STUM: variants seen among roughly 807,000 people sequenced by gnomAD.
The protein encoded by STUM is stum, mechanosensory transduction mediator homolog.
A neutral mutation model predicts 15.3 loss-of-function variants in STUM; 8 were observed. The ratio of observed to expected loss-of-function variants is 0.52; its 90% CI spans 0.31 to 0.94. The LOEUF (loss-of-function observed/expected upper bound fraction) is 0.94. Ranked by LOEUF, STUM falls within the 40% of genes least tolerant of loss-of-function variation. The pLI, the probability that STUM is intolerant of heterozygous loss-of-function variation, is 0.05. For synonymous variants in STUM, 78 were observed against 88.7 expected (o/e 0.88, Z 0.68); for missense variants, 142 against 204.9 (o/e 0.69, Z 1.87).
intron 1 of STUM, among the ~76,000 whole-genome samples, chr1:226,553,053 C>G (rs1010600072): frequency 2.0e-5 from 3 of 152,156 alleles, no homozygotes; most frequent in African/African-American, 7.2e-5. Context: ...AAGTTTACAG[C>G]CTACTAAACC....
chr1:226,552,934 A>G lies in STUM; in HGVS notation c.202+3828A>G, dbSNP rs1667393445. On this transcript the variant is annotated intron_variant, in intron 1 of 3. Coordinates refer to ENST00000366788, the MANE Select transcript of STUM (RefSeq NM_001003665.4). The surrounding 1 kb of genome is among the most constrained non-coding windows in gnomAD (Gnocchi z 4.7). ...TCTTGAAAGAGCATGTTATCCACAA[A>G]TACATATAGACTAGAATTATACTCC... 6.6e-6 allele frequency among the ~76,000 whole-genome samples: 1 copy of G among 152,208 alleles called. No homozygotes were observed. The highest frequency in any genetic ancestry group is 1.5e-5 in the Non-Finnish European group (1 of 68,040).
In STUM at chr1:226,549,399, G is replaced by C. The variant is rs1667333302; in HGVS notation, c.202+293G>C. Among the ~76,000 whole-genome samples, 1 of 152,214 alleles carries C rather than the reference G, an allele frequency of 6.6e-6. No homozygotes were observed. Among genetic ancestry groups the C allele is most frequent in the Admixed American group, 6.5e-5 (1 of 15,292 alleles). ...AGCGGCGGCCGGAATGGCTCTGCCG[G>C]CTTCGGAGTAGGGCTCCCGTCCCGG... On this transcript the variant is annotated intron_variant, in intron 1 of 3. Transcript: ENST00000366788. The surrounding 1 kb of genome is among the most constrained non-coding windows in gnomAD (Gnocchi z 6.8).
At chr1:226,585,766 A>AT (rs775595298) in intron 1 of STUM, among the ~76,000 whole-genome samples, 11 of 152,350 alleles carry the variant, frequency 7.2e-5, no homozygotes, top group Middle Eastern at 3.4e-3. Flanking sequence ...GTGCCAGCTG[A>AT]ATACATGGAA....
At position 226,600,386 on chromosome 1, in the gene STUM, G is replaced by A. The variant is rs926131431; in HGVS notation, c.383-280G>A. Among the ~76,000 whole-genome samples the A allele has an allele frequency of 3.3e-5, 5 of 152,190 alleles. No homozygotes were observed. Among genetic ancestry groups the A allele is most frequent in the African/African-American group, 4.8e-5 (2 of 41,442 alleles). Reference sequence around the variant, plus strand: ...GGGAGGCAGTGGACCAAGCTCCCTGGCAGTGTGAGAGCCCCTCGCTGTGCC... The same window carrying A: ...GGGAGGCAGTGGACCAAGCTCCCTGACAGTGTGAGAGCCCCTCGCTGTGCC... On this transcript the variant is annotated intron_variant, in intron 2 of 3. Coordinates refer to ENST00000366788, the MANE Select transcript of STUM (RefSeq NM_001003665.4). The surrounding 1 kb of genome is among the most constrained non-coding windows in gnomAD (Gnocchi z 5.2).
rs1667855413 is a variant in STUM at position 226,578,333 on chromosome 1, C to T, written c.203-18469C>T. On this transcript the variant is annotated intron_variant, in intron 1 of 3. Coordinates refer to ENST00000366788, the MANE Select transcript of STUM (RefSeq NM_001003665.4). The stretch of plus-strand genomic sequence containing the variant: ...TCAAGTGATCATCCTGCATTTAGTC[C>T]CCCACACCACCGCCCCAACCCCCAG... Among the ~76,000 whole-genome samples the T allele has an allele frequency of 6.7e-5, 10 of 150,026 alleles. 1 individual carries two copies. The South Asian group carries it at 2.1e-3, about 32-fold the overall frequency.
At chr1:226,582,160 TGCCGGC>T (rs1667928447) in intron 1 of STUM, among the ~76,000 whole-genome samples, 2 of 152,240 alleles carry the variant, frequency 1.3e-5, no homozygotes, top group African/African-American at 2.4e-5. Context: ...GCTGCTGCTG[TGCCGGC>T]CCCTGCCCCG....
chr1:226,606,516 G>C lies in STUM; in HGVS notation c.*4476G>C, dbSNP rs1251135204. 1 of 152,238 alleles carries C rather than the reference G, an allele frequency of 6.6e-6. No homozygotes were observed. Among genetic ancestry groups the C allele is most frequent in the Non-Finnish European group, 1.5e-5 (1 of 68,060 alleles). The allele number at this position is 152,238 out of a possible 1,614,324, so 9.4% of individuals were successfully genotyped here. A position where few individuals can be genotyped will look rare whatever the true frequency, so the allele number is the denominator to read the frequency against. On this transcript the variant is annotated 3_prime_UTR_variant, in exon 4 of 4. Transcript: ENST00000366788. ...GCATTGCATAAATGCTTGGGGGCGTGTCATTTAAATGGAAGTTCTCCAATA... is the reference window on the plus strand; with the variant it reads ...GCATTGCATAAATGCTTGGGGGCGTCTCATTTAAATGGAAGTTCTCCAATA...
rs940703482 is a variant in STUM, at chr1:226,603,000, C to A, written c.*960C>A. 3.3e-5 allele frequency: 5 copies of A among 152,216 alleles called. No individual in the cohort carries two copies. Among genetic ancestry groups the A allele is most frequent in the Non-Finnish European group, 7.3e-5 (5 of 68,040 alleles). 9.4% of individuals were successfully genotyped at this position (152,216 alleles called of 1,614,324 possible). ...CCTACCATCAGGCACGTGAATATTT[C>A]TGCAGAGAAACATGTGACTAGTCCC... On this transcript the variant is annotated 3_prime_UTR_variant, in exon 4 of 4. Coordinates refer to ENST00000366788, the MANE Select transcript of STUM (RefSeq NM_001003665.4).
chr1:226,575,697 C>T (rs1396867373), intron 1 of STUM, among the ~76,000 whole-genome samples: 2 of 152,254 alleles, frequency 1.3e-5, no homozygotes, highest in African/African-American at 4.8e-5. Flanking sequence ...ACAAAAATAA[C>T]TAACACCATG....
In STUM at chr1:226,603,604, G is replaced by A. The variant is rs1293685231; in HGVS notation, c.*1564G>A. On this transcript the variant is annotated 3_prime_UTR_variant, in exon 4 of 4. Transcript: ENST00000366788. ...GAGGGCAGGAGAAGGGATTTTGCAG[G>A]ATGAAAGTGCTTGGGAAGTAGTGGC... 6.6e-6 allele frequency: 1 copy of A among 152,216 alleles called. No individual in the cohort carries two copies. The highest frequency in any genetic ancestry group is 1.5e-5 in the Non-Finnish European group (1 of 68,064). 9.4% of individuals were successfully genotyped at this position (152,216 alleles called of 1,614,324 possible).
chr1:226,583,417 AG>A (rs922115362), intron 1 of STUM, among the ~76,000 whole-genome samples: 1 of 152,210 alleles, frequency 6.6e-6, no homozygotes, highest in African/African-American at 2.4e-5. Flanking sequence ...ACTTCTAATG[AG>A]TGCTCGGTGC....
In STUM at chr1:226,598,010, G is replaced by C. The variant is rs1668211340; in HGVS notation, c.382+1029G>C. Among the ~76,000 whole-genome samples the C allele has an allele frequency of 1.3e-5, 2 of 152,232 alleles. 1 individual carries two copies. Among genetic ancestry groups the C allele is most frequent in the South Asian group, 4.1e-4 (2 of 4,830 alleles). On this transcript the variant is annotated intron_variant, in intron 2 of 3. Coordinates refer to ENST00000366788, the MANE Select transcript of STUM (RefSeq NM_001003665.4). ...GGGAAGCTGCTCCTTCCTCCTGGGA[G>C]GGGTGTGCTCAGGGCAGGGGCTGCC...
rs1309503986 is a variant in STUM at position 226,567,144 on chromosome 1, G to C, written c.202+18038G>C. 6.6e-6 allele frequency among the ~76,000 whole-genome samples: 1 copy of C among 152,210 alleles called. No homozygotes were observed. The highest frequency in any genetic ancestry group is 1.9e-4 in the East Asian group (1 of 5,198). On this transcript the variant is annotated intron_variant, in intron 1 of 3. Transcript: ENST00000366788. The surrounding 1 kb of genome is among the most constrained non-coding windows in gnomAD (Gnocchi z 4.5). Reference sequence around the variant, plus strand: ...CTGTTCCTAGGATGAAGCCAGTAGGGTGGTGAGGCCGGGGCACCTGCTCTG... The same window carrying C: ...CTGTTCCTAGGATGAAGCCAGTAGGCTGGTGAGGCCGGGGCACCTGCTCTG...
At chr1:226,561,340 T>C (rs1667539318) in intron 1 of STUM, among the ~76,000 whole-genome samples, 1 of 152,204 alleles carries the variant, frequency 6.6e-6, no homozygotes, top group African/African-American at 2.4e-5. Context: ...AGCAGGTCCT[T>C]GTTCTTTTAA....
chr1:226,606,687 A>G lies in STUM; in HGVS notation c.*4647A>G, dbSNP rs986775665. On this transcript the variant is annotated 3_prime_UTR_variant, in exon 4 of 4. Coordinates refer to ENST00000366788, the MANE Select transcript of STUM (RefSeq NM_001003665.4). ...GCGGCACCTAAGCTTCCCAGAGACC[A>G]TGACCTTGTATGTGGCTGGAGGCCT... is the stretch of plus-strand genomic sequence containing the variant. The G allele has an allele frequency of 1.3e-5, 2 of 152,168 alleles. No individual in the cohort carries two copies. Among genetic ancestry groups the G allele is most frequent in the East Asian group, 3.9e-4 (2 of 5,188 alleles). 9.4% of individuals were successfully genotyped at this position (152,168 alleles called of 1,614,324 possible). A position where few individuals can be genotyped will look rare whatever the true frequency, so the allele number is the denominator to read the frequency against.
chr1:226,604,767 G>A lies in STUM; in HGVS notation c.*2727G>A. ...CCTGCATAGTGCAGACAAGGCTGTT[G>A]GTTCAGAGGCTGCAGGGCACATTCC... On this transcript the variant is annotated 3_prime_UTR_variant, in exon 4 of 4. Coordinates refer to ENST00000366788, the MANE Select transcript of STUM (RefSeq NM_001003665.4). The surrounding 1 kb of genome is among the most constrained non-coding windows in gnomAD (Gnocchi z 4.7). The A allele has an allele frequency of 6.6e-6, 1 of 152,460 alleles. No individual in the cohort carries two copies. 9.4% of individuals were successfully genotyped at this position (152,460 alleles called of 1,614,324 possible).
chr1:226,548,844 T>C lies in STUM; in HGVS notation c.-61T>C. On this transcript the variant is annotated 5_prime_UTR_variant, in exon 1 of 4. Coordinates refer to ENST00000366788, the MANE Select transcript of STUM (RefSeq NM_001003665.4). ...GAGCCCGCAGCCGACAGTCTCCTGC[T>C]CCCGTACGCTGGGCGCCAGCTCCGG... The C allele has an allele frequency of 8.0e-7, 1 of 1,250,744 alleles. No homozygotes were observed. Among genetic ancestry groups the C allele is most frequent in the Non-Finnish European group, 1.0e-6 (1 of 992,534 alleles). 77.5% of individuals were successfully genotyped at this position (1,250,744 alleles called of 1,614,324 possible).
At chr1:226,575,744 C>T (rs756362120) in intron 1 of STUM, among the ~76,000 whole-genome samples, 3 of 152,246 alleles carry the variant, frequency 2.0e-5, no homozygotes, top group Non-Finnish European at 4.4e-5. Context: ...TCCTTTTAGG[C>T]ATGTGGAAGC....
chr1:226,566,271 A>ATCT (rs1031576693), intron 1 of STUM, among the ~76,000 whole-genome samples: 1 of 152,228 alleles, frequency 6.6e-6, no homozygotes, highest in Non-Finnish European at 1.5e-5. Context: ...TTAGTGCATC[A>ATCT]TCTACTTGAA....
Sources: gnomAD v4.1 joint callset for allele counts (sites outside exome capture counted in the v4.1 genomes callset) on GRCh38, gnomAD v4.1.1 for gene constraint, Gnocchi (gnomAD v3.1) non-coding constraint, MANE v1.5 for transcripts, NCBI Gene and HGNC (gene_info 2026-07-23, HGNC 2026-07-21) for gene names.